ADARB2: variants seen among roughly 807,000 people sequenced by gnomAD.
ADARB2 encodes inactive double-stranded RNA-specific editase B2.
In ADARB2, 25 loss-of-function variants were observed where a neutral mutation model predicts 62.2. That is an observed-to-expected ratio of 0.40 (90% CI 0.29 to 0.56). The LOEUF is 0.56. Among genes scored for constraint, ADARB2 ranks in the 20% least tolerant of loss-of-function variants. ADARB2 has a pLI of 0.43. For missense variants in ADARB2, 1,071 were observed against 1,077.4 expected (o/e 0.99, Z 0.08); for synonymous variants, 572 against 500.8 (o/e 1.14, Z -1.90).
chr10:1,681,803 G>T (rs1005475525), intron 1 of ADARB2, among the ~76,000 whole-genome samples: 9 of 152,180 alleles, frequency 5.9e-5, no homozygotes, highest in African/African-American at 1.4e-4. Flanking sequence ...ACCCAGTGAG[G>T]CCCGGGTGTT....
chr10:1,545,539 C>T (rs541837775), intron 1 of ADARB2, among the ~76,000 whole-genome samples: 12 of 152,272 alleles, frequency 7.9e-5, no homozygotes, highest in African/African-American at 2.9e-4. Flanking sequence ...TTGTCTCTTC[C>T]CTGACTTTTT....
chr10:1,302,371 G>C (rs1382376313), intron 3 of ADARB2, among the ~76,000 whole-genome samples: 1 of 152,216 alleles, frequency 6.6e-6, no homozygotes, highest in African/African-American at 2.4e-5. Flanking sequence ...CTGGCTCGGA[G>C]GGTCCTACCC....
At chr10:1,185,586 CAG>C (rs1432356544) in intron 8 of ADARB2, among the ~76,000 whole-genome samples, 1 of 152,210 alleles carries the variant, frequency 6.6e-6, no homozygotes, top group Non-Finnish European at 1.5e-5. Context: ...GCACTGGCTA[CAG>C]AGTGTTTGAG....
rs1437271660 is a variant in ADARB2, at chr10:1,598,719, C to T, written c.100+138332G>A. Among the ~76,000 whole-genome samples the T allele has an allele frequency of 3.3e-5, 5 of 152,316 alleles. No homozygotes were observed. The East Asian group carries it at 7.7e-4, about 24-fold the overall frequency. On this transcript the variant is annotated intron_variant, in intron 1 of 9. Coordinates refer to ENST00000381312, the MANE Select transcript of ADARB2 (RefSeq NM_018702.4). ...CCCCAGGAGAGCTGGCGTGGGGACA[C>T]GAAGGAGCTGGCTGTCTGGGGAGCT...
In ADARB2 at chr10:1,348,824, T is replaced by C. The variant is rs74119539; in HGVS notation, c.1077+14204A>G. On this transcript the variant is annotated intron_variant, in intron 3 of 9. Coordinates refer to ENST00000381312, the MANE Select transcript of ADARB2 (RefSeq NM_018702.4). ...GCCCATGCACCCCAGGGCTGTCCCC[T>C]CAGTGAGCCCAGCACCCATCCACCT... Among the ~76,000 whole-genome samples, 234 of 152,284 alleles carry C rather than the reference T, an allele frequency of 1.5e-3. 1 individual carries two copies. The highest frequency in any genetic ancestry group is 5.4e-3 in the African/African-American group (223 of 41,568).
At chr10:1,580,861 G>C (rs2676728) in intron 1 of ADARB2, among the ~76,000 whole-genome samples, 82,830 of 151,932 alleles carry the variant, frequency 0.55, 22,744 homozygotes, top group East Asian at 0.65. Flanking sequence ...CCTCATTCAC[G>C]TAGCAACGTG....
Position 1,255,164 on chromosome 10 carries a change from C to T in ADARB2, c.1193-12865G>A, listed in dbSNP as rs1316830770. ...CTCTGAGCTCCTCATGGGGCCAAAA[C>T]ATGAGGGAGTGCTTGGATCCAGGAA... On this transcript the variant is annotated intron_variant, in intron 4 of 9. Coordinates refer to ENST00000381312, the MANE Select transcript of ADARB2 (RefSeq NM_018702.4). This position sits in a 1 kb window ranked among gnomAD's most constrained non-coding sequence, Gnocchi z 4.7. 1.3e-5 allele frequency among the ~76,000 whole-genome samples: 2 copies of T among 152,220 alleles called. No individual in the cohort carries two copies. The highest frequency in any genetic ancestry group is 4.8e-5 in the African/African-American group (2 of 41,458).
At position 1,737,311 on chromosome 10, in the gene ADARB2, GTC is replaced by G; in HGVS notation, c.-163_-162del. On this transcript the variant is annotated 5_prime_UTR_variant, in exon 1 of 10. Coordinates refer to ENST00000381312, the MANE Select transcript of ADARB2 (RefSeq NM_018702.4). ...GCAGGAAAGCGCGCTCCGTCTCTCT[GTC>G]TCTCGAATTGTTCTCTATGACTTGC... The G allele has an allele frequency of 3.0e-6, 2 of 663,424 alleles. No individual in the cohort carries two copies. Among genetic ancestry groups the G allele is most frequent in the South Asian group, 3.8e-5 (2 of 52,918 alleles). 41.1% of individuals were successfully genotyped at this position (663,424 alleles called of 1,614,324 possible).
chr10:1,569,295 C>A (rs1253037166), intron 1 of ADARB2, among the ~76,000 whole-genome samples: 5 of 151,952 alleles, frequency 3.3e-5, no homozygotes, highest in Non-Finnish European at 7.4e-5. Context: ...AGAACTGGAT[C>A]CAGAATGTAC....
intron 1 of ADARB2, among the ~76,000 whole-genome samples, chr10:1,638,506 G>GTTT (rs5782589): frequency 1.3e-4 from 19 of 148,696 alleles, no homozygotes; most frequent in African/African-American, 4.2e-4. Context: ...CTTTCATGAG[G>GTTT]TTTTTTTTTT....
chr10:1,683,335 A>G (rs898928149), intron 1 of ADARB2, among the ~76,000 whole-genome samples: 2 of 152,266 alleles, frequency 1.3e-5, no homozygotes, highest in African/African-American at 4.8e-5. Flanking sequence ...ATTTCGGGGA[A>G]CATGACTCTA....
At chr10:1,384,386 C>G (rs1832508787) in intron 1 of ADARB2, among the ~76,000 whole-genome samples, 1 of 152,204 alleles carries the variant, frequency 6.6e-6, no homozygotes, top group South Asian at 2.1e-4. Context: ...CAAAGTGAGT[C>G]TGGAGAAGAC....
In ADARB2 at chr10:1,426,050, A is replaced by C. The variant is rs1379244945; in HGVS notation, c.101-46890T>G. Reference sequence around the variant, plus strand: ...TAGAGTTTCCTTCCTCGACTCAAGCAGTCATTCTGAGCATGTGGCATTTGT... The same window carrying C: ...TAGAGTTTCCTTCCTCGACTCAAGCCGTCATTCTGAGCATGTGGCATTTGT... On this transcript the variant is annotated intron_variant, in intron 1 of 9. Transcript: ENST00000381312. The surrounding 1 kb of genome is among the most constrained non-coding windows in gnomAD (Gnocchi z 4.1). Among the ~76,000 whole-genome samples the C allele has an allele frequency of 6.6e-6, 1 of 152,254 alleles. No individual in the cohort carries two copies. The highest frequency in any genetic ancestry group is 1.5e-5 in the Non-Finnish European group (1 of 68,044).
intron 1 of ADARB2, among the ~76,000 whole-genome samples, chr10:1,720,368 C>T (rs1266079443): frequency 6.6e-6 from 1 of 152,156 alleles, no homozygotes; most frequent in Non-Finnish European, 1.5e-5. Context: ...ACACTGGGAA[C>T]ACTAGAAGGG....
chr10:1,342,317 G>A (rs1589197963), intron 3 of ADARB2, among the ~76,000 whole-genome samples: 1 of 152,248 alleles, frequency 6.6e-6, no homozygotes, highest in Non-Finnish European at 1.5e-5. Context: ...CACACACATG[G>A]CCCCACAGAA....
chr10:1,695,684 A>G (rs1293911276), intron 1 of ADARB2, among the ~76,000 whole-genome samples: 1 of 152,118 alleles, frequency 6.6e-6, no homozygotes, highest in African/African-American at 2.4e-5. Flanking sequence ...TATGCAAGAA[A>G]CATGAATGTG....
At position 1,322,060 on chromosome 10, in the gene ADARB2, TCA is replaced by T. The variant is rs1466759523; in HGVS notation, c.1077+40966_1077+40967del. On this transcript the variant is annotated intron_variant, in intron 3 of 9. Transcript: ENST00000381312. ...CTCCTCTGACCACCCAGCCCTGGACTCAGGAGACACCAGTTGGTACCTGGTGA... is the reference window on the plus strand; with the variant it reads ...CTCCTCTGACCACCCAGCCCTGGACTGGAGACACCAGTTGGTACCTGGTGA... Among the ~76,000 whole-genome samples the T allele has an allele frequency of 1.2e-3, 190 of 152,110 alleles. 2 individuals are homozygous for T. Among genetic ancestry groups the T allele is most frequent in the African/African-American group, 4.4e-3 (181 of 41,492 alleles).
intron 3 of ADARB2, among the ~76,000 whole-genome samples, chr10:1,346,899 G>C (rs2131841825): frequency 6.6e-6 from 1 of 152,380 alleles, no homozygotes; most frequent in East Asian, 1.9e-4. Flanking sequence ...GCTGCAGATT[G>C]CATGTCAATG....
intron 1 of ADARB2, among the ~76,000 whole-genome samples, chr10:1,605,485 G>A (rs1049769655): frequency 5.3e-5 from 8 of 152,210 alleles, no homozygotes; most frequent in Non-Finnish European, 1.0e-4. Context: ...CCTGGATTTA[G>A]GATTCAGTAA....
Sources: gnomAD v4.1 joint callset for allele counts (sites outside exome capture counted in the v4.1 genomes callset) on GRCh38, gnomAD v4.1.1 for gene constraint, Gnocchi (gnomAD v3.1) non-coding constraint, MANE v1.5 for transcripts, NCBI Gene and HGNC (gene_info 2026-07-23, HGNC 2026-07-21) for gene names.